HS3ST5: variants seen among roughly 807,000 people sequenced by gnomAD.
The protein encoded by HS3ST5 is heparan sulfate-glucosamine 3-sulfotransferase 5.
Under a neutral mutation model 25.4 loss-of-function variants are expected in HS3ST5, and 10 were observed. The observed-to-expected ratio is 0.39, with a 90% CI of 0.24 to 0.67. The LOEUF (loss-of-function observed/expected upper bound fraction) is 0.67. Ranked by LOEUF, HS3ST5 falls within the 30% of genes least tolerant of loss-of-function variation. The pLI is 0.44. For synonymous variants in HS3ST5, 170 were observed against 162.4 expected (o/e 1.05, Z -0.36); for missense variants, 324 against 420.7 (o/e 0.77, Z 2.01).
intron 1 of HS3ST5, among the ~76,000 whole-genome samples, chr6:114,261,420 G>A (rs956322635): frequency 1.3e-5 from 2 of 152,130 alleles, no homozygotes; most frequent in Non-Finnish European, 2.9e-5. Context: ...GGTAATTTTA[G>A]ATGCATGAGA....
At chr6:114,236,386 T>C (rs1254911587) in intron 1 of HS3ST5, among the ~76,000 whole-genome samples, 3 of 152,214 alleles carry the variant, frequency 2.0e-5, no homozygotes, top group Non-Finnish European at 2.9e-5. Flanking sequence ...ATTGAGTGAA[T>C]GGATATAGCT....
intron 3 of HS3ST5, among the ~76,000 whole-genome samples, chr6:114,086,065 A>T (rs564671801): frequency 6.6e-6 from 1 of 152,022 alleles, no homozygotes; most frequent in South Asian, 2.1e-4. Flanking sequence ...TACAGGAAAA[A>T]AAACGGTTCT....
intron 1 of HS3ST5, among the ~76,000 whole-genome samples, chr6:114,301,584 T>A (rs1386825025): frequency 6.6e-6 from 1 of 151,974 alleles, no homozygotes; most frequent in Non-Finnish European, 1.5e-5. Flanking sequence ...CCCTATTGCA[T>A]CAGCACCAGA....
At chr6:114,265,805 A>T (rs1001408952) in intron 1 of HS3ST5, among the ~76,000 whole-genome samples, 1 of 151,876 alleles carries the variant, frequency 6.6e-6, no homozygotes, top group African/African-American at 2.4e-5. Flanking sequence ...TCCTTTCTGA[A>T]TGCATTTTCT....
intron 3 of HS3ST5, among the ~76,000 whole-genome samples, chr6:114,140,114 T>C (rs1319223560): frequency 6.6e-6 from 1 of 152,184 alleles, no homozygotes; most frequent in Non-Finnish European, 1.5e-5. Context: ...AGTGATTTTC[T>C]TCTACTTCTT....
intron 1 of HS3ST5, among the ~76,000 whole-genome samples, chr6:114,271,699 T>A (rs1773645407): frequency 6.6e-6 from 1 of 152,134 alleles, no homozygotes; most frequent in African/African-American, 2.4e-5. Flanking sequence ...ATTCATTCAA[T>A]ATGACATCCC....
intron 3 of HS3ST5, among the ~76,000 whole-genome samples, chr6:114,073,757 A>C (rs940248370): frequency 6.6e-6 from 1 of 152,230 alleles, no homozygotes; most frequent in Non-Finnish European, 1.5e-5. Flanking sequence ...AAGGATCTAG[A>C]ACCAGAAATA....
intron 3 of HS3ST5, among the ~76,000 whole-genome samples, chr6:114,091,715 A>G (rs567564209): frequency 6.6e-6 from 1 of 152,170 alleles, no homozygotes; most frequent in Non-Finnish European, 1.5e-5. Flanking sequence ...GTGGTCTGGA[A>G]TGATTGCTGG....
At chr6:114,084,547 G>C (rs976137421) in intron 3 of HS3ST5, 16 of 760,182 alleles carry the variant, frequency 2.1e-5, no homozygotes, top group Admixed American at 3.4e-5. Flanking sequence ...CACACCCGCT[G>C]AGTGAGCTCC....
At chr6:114,273,485 T>C (rs901801512) in intron 1 of HS3ST5, among the ~76,000 whole-genome samples, 1 of 151,872 alleles carries the variant, frequency 6.6e-6, no homozygotes, top group African/African-American at 2.4e-5. Flanking sequence ...TAAGACTGAT[T>C]AAATCATTAA....
In HS3ST5 at chr6:114,120,498, T is replaced by TTG. The variant is rs199617938; in HGVS notation, c.-33+47851_-33+47852dup. ...TACTGTTTTTACATTTTAAAAATGT[T>TTG]TGTGTGTGTGTGTGTAAAATGAACA... is the stretch of plus-strand genomic sequence containing the variant. On this transcript the variant is annotated intron_variant, in intron 3 of 4. Coordinates refer to ENST00000312719, the MANE Select transcript of HS3ST5 (RefSeq NM_153612.4). Among the ~76,000 whole-genome samples, 425 of 152,060 alleles carry TTG rather than the reference T, an allele frequency of 2.8e-3. 2 individuals are homozygous for TTG. The highest frequency in any genetic ancestry group is 4.4e-3 in the Non-Finnish European group (299 of 67,958).
intron 1 of HS3ST5, among the ~76,000 whole-genome samples, chr6:114,279,358 G>T (rs1774002842): frequency 6.6e-6 from 1 of 152,012 alleles, no homozygotes; most frequent in African/African-American, 2.4e-5. Context: ...GCAGTAAATT[G>T]CACCATGGGG....
chr6:114,249,282 T>C (rs971883475), intron 1 of HS3ST5, among the ~76,000 whole-genome samples: 4 of 152,270 alleles, frequency 2.6e-5, no homozygotes, highest in African/African-American at 9.6e-5. Flanking sequence ...TTACATGTTT[T>C]TCTTATTCGA....
chr6:114,293,320 A>C (rs1008170411), intron 1 of HS3ST5, among the ~76,000 whole-genome samples: 2 of 152,190 alleles, frequency 1.3e-5, no homozygotes, highest in East Asian at 3.9e-4. Context: ...TTTAAGATGG[A>C]AAGTGGTTTT....
At chr6:114,157,771 G>A (rs1778768232) in intron 3 of HS3ST5, among the ~76,000 whole-genome samples, 1 of 151,954 alleles carries the variant, frequency 6.6e-6, no homozygotes, top group African/African-American at 2.4e-5. Flanking sequence ...TTACCCTCAG[G>A]ATAAAGTCCA....
chr6:114,268,483 T>C (rs1261290810), intron 1 of HS3ST5, among the ~76,000 whole-genome samples: 2 of 152,196 alleles, frequency 1.3e-5, no homozygotes, highest in Non-Finnish European at 1.5e-5. Context: ...GTTTCCTTTT[T>C]AATTTTCATC....
chr6:114,087,827 T>G (rs181630801), intron 3 of HS3ST5, among the ~76,000 whole-genome samples: 336 of 152,284 alleles, frequency 2.2e-3, no homozygotes, highest in African/African-American at 5.8e-3. Flanking sequence ...CCTTACAATC[T>G]GATACACATC....
chr6:114,254,948 A>ACATCC (rs1772836936), intron 1 of HS3ST5, among the ~76,000 whole-genome samples: 3 of 152,162 alleles, frequency 2.0e-5, no homozygotes, highest in African/African-American at 7.2e-5. Context: ...CCCAAATCTT[A>ACATCC]CATCCTGACA....
At chr6:114,200,629 C>T (rs966487002) in intron 2 of HS3ST5, among the ~76,000 whole-genome samples, 1 of 152,032 alleles carries the variant, frequency 6.6e-6, no homozygotes, top group Non-Finnish European at 1.5e-5. Context: ...CAGCCCCCAA[C>T]CCCCAAACAC....
Sources: gnomAD v4.1 joint callset for allele counts (sites outside exome capture counted in the v4.1 genomes callset) on GRCh38, gnomAD v4.1.1 for gene constraint, MANE v1.5 for transcripts, NCBI Gene and HGNC (gene_info 2026-07-23, HGNC 2026-07-21) for gene names.